Variants in PCED1B observed in about 807,000 individuals in gnomAD.
PCED1B encodes PC-esterase domain-containing protein 1B.
For synonymous variants in PCED1B, 251 were observed against 246.1 expected (o/e 1.02, Z -0.19); for missense variants, 573 against 573.9 (o/e 1.00, Z 0.02).
intron 2 of PCED1B, among the ~76,000 whole-genome samples, chr12:47,158,039 T>C (rs1471037402): frequency 6.6e-6 from 1 of 152,246 alleles, no homozygotes; most frequent in East Asian, 1.9e-4. Context: ...ATCTATTTAT[T>C]TGTTGATGAA....
chr12:47,153,859 T>C (rs150367991), intron 2 of PCED1B, among the ~76,000 whole-genome samples: 307 of 152,334 alleles, frequency 2.0e-3, no homozygotes, highest in African/African-American at 7.1e-3. Context: ...TTTGTTTCCA[T>C]GGGAAGACTA....
At chr12:47,232,176 G>A (rs1943828977) in intron 3 of PCED1B, among the ~76,000 whole-genome samples, 1 of 152,168 alleles carries the variant, frequency 6.6e-6, no homozygotes, top group Non-Finnish European at 1.5e-5. Flanking sequence ...GGGATTTGGA[G>A]TTTGCTTCAG....
intron 2 of PCED1B, among the ~76,000 whole-genome samples, chr12:47,184,556 A>C (rs1386832507): frequency 1.3e-5 from 2 of 152,148 alleles, no homozygotes; most frequent in African/African-American, 4.8e-5. Flanking sequence ...TCACAAGCTA[A>C]GTAAAAGAAT....
intron 2 of PCED1B, among the ~76,000 whole-genome samples, chr12:47,147,711 T>C (rs2137436147): frequency 6.6e-6 from 1 of 152,346 alleles, no homozygotes; most frequent in East Asian, 1.9e-4. Context: ...TCCATATTTC[T>C]ATTGATAATC....
chr12:47,079,825 G>A (rs1196070375), intron 1 of PCED1B, 100 bp downstream of exon 1: 10 of 149,626 alleles, frequency 6.7e-5, no homozygotes, highest in African/African-American at 2.4e-4. Context: ...GGGCGGCAGC[G>A]GGCGGCCCCG....
chr12:47,088,921 A>G (rs1565739517), intron 1 of PCED1B, among the ~76,000 whole-genome samples: 1 of 152,188 alleles, frequency 6.6e-6, no homozygotes, highest in Non-Finnish European at 1.5e-5. Flanking sequence ...TTTCCTGGGA[A>G]GGCTCTAAGA....
chr12:47,112,703 G>T (rs1055334714), intron 2 of PCED1B, among the ~76,000 whole-genome samples: 6 of 152,088 alleles, frequency 3.9e-5, no homozygotes, highest in African/African-American at 7.2e-5. Flanking sequence ...ACTCTGTAAG[G>T]TCACATTATT....
intron 2 of PCED1B, among the ~76,000 whole-genome samples, chr12:47,126,699 G>A (rs1208982007): frequency 2.0e-5 from 3 of 152,062 alleles, no homozygotes; most frequent in African/African-American, 7.2e-5. Context: ...TATTTAGGTT[G>A]TTTATTTCTT....
intron 2 of PCED1B, among the ~76,000 whole-genome samples, chr12:47,214,915 G>A (rs1943202839): frequency 6.6e-6 from 1 of 152,056 alleles, no homozygotes; most frequent in African/African-American, 2.4e-5. Context: ...TTGAGATGGA[G>A]TCTCGCTGTT....
intron 2 of PCED1B, among the ~76,000 whole-genome samples, chr12:47,195,190 A>G (rs1049824713): frequency 2.0e-5 from 3 of 152,218 alleles, no homozygotes; most frequent in African/African-American, 7.2e-5. Flanking sequence ...TCAGCCGAGC[A>G]TGGTGGTACA....
At chr12:47,093,669 C>T (rs1273072891) in intron 1 of PCED1B, among the ~76,000 whole-genome samples, 1 of 150,864 alleles carries the variant, frequency 6.6e-6, no homozygotes, top group African/African-American at 2.4e-5. Flanking sequence ...GAACTAATTT[C>T]TGTTTTTTTT....
chr12:47,193,024 T>G (rs190707142), intron 2 of PCED1B, among the ~76,000 whole-genome samples: 3 of 152,258 alleles, frequency 2.0e-5, no homozygotes, highest in Non-Finnish European at 4.4e-5. Flanking sequence ...GAATGCTTTA[T>G]GCACACAGAT....
intron 1 of PCED1B, among the ~76,000 whole-genome samples, chr12:47,080,806 TC>T (rs1323700771): frequency 2.0e-5 from 3 of 152,176 alleles, no homozygotes; most frequent in Non-Finnish European, 1.5e-5. Flanking sequence ...TCTCCCTCTC[TC>T]TCTCCCTCTC....
rs774214450 is a variant in PCED1B, at chr12:47,235,636, C to T, written c.573C>T (p.Asn191=). ...LRRQKATFLK[N]EVVKANFHSA... The stretch of plus-strand genomic sequence containing the variant: ...GGCAGAAGGCCACCTTCCTGAAAAA[C>T]GAAGTGGTCAAAGCCAACTTCCACA... Residue 191 remains asparagine, a synonymous_variant, in exon 4 of 4, where the codon AAC becomes AAT. Coordinates refer to ENST00000546455, the MANE Select transcript of PCED1B (RefSeq NM_138371.3). 6.2e-7 allele frequency: 1 copy of T among 1,610,440 alleles called. No individual in the cohort carries two copies. Among genetic ancestry groups the T allele is most frequent in the Middle Eastern group, 1.7e-4 (1 of 6,038 alleles).
chr12:47,177,741 G>A (rs1239812604), intron 2 of PCED1B, among the ~76,000 whole-genome samples: 2 of 152,248 alleles, frequency 1.3e-5, no homozygotes, highest in East Asian at 3.9e-4. Context: ...ACCACCTGAA[G>A]TCAGGAGTTT....
At chr12:47,217,691 C>T (rs1251482444) in intron 3 of PCED1B, among the ~76,000 whole-genome samples, 2 of 152,066 alleles carry the variant, frequency 1.3e-5, no homozygotes, top group Non-Finnish European at 2.9e-5. Flanking sequence ...ATTCTTGTGC[C>T]TCAGCCTCCC....
At chr12:47,100,633 C>T (rs964779196) in intron 1 of PCED1B, among the ~76,000 whole-genome samples, 4 of 152,050 alleles carry the variant, frequency 2.6e-5, no homozygotes, top group African/African-American at 9.7e-5. Context: ...GTCTTCCATA[C>T]AGGAGGTAAA....
chr12:47,162,445 CAAG>C (rs2137511277), intron 2 of PCED1B, among the ~76,000 whole-genome samples: 1 of 152,048 alleles, frequency 6.6e-6, no homozygotes, highest in Admixed American at 6.5e-5. Context: ...GCAGTGTGTA[CAAG>C]AAGTTTACTT....
chr12:47,158,407 T>G (rs1183863597), intron 2 of PCED1B, among the ~76,000 whole-genome samples: 1 of 152,194 alleles, frequency 6.6e-6, no homozygotes, highest in Non-Finnish European at 1.5e-5. Context: ...TGATGATTAG[T>G]GAGGTTGAGC....
Sources: gnomAD v4.1 joint callset for allele counts (sites outside exome capture counted in the v4.1 genomes callset) on GRCh38, gnomAD v4.1.1 for gene constraint, MANE v1.5 for transcripts, NCBI Gene and HGNC (gene_info 2026-07-23, HGNC 2026-07-21) for gene names.